Variants in MAMDC2 observed in about 807,000 individuals in gnomAD.
MAMDC2 encodes the protein MAM domain-containing protein 2.
Under a neutral mutation model 89.8 loss-of-function variants are expected in MAMDC2, and 57 were observed. The ratio of observed to expected loss-of-function variants is 0.63; its 90% CI spans 0.51 to 0.79. The LOEUF (loss-of-function observed/expected upper bound fraction) is 0.79. Among genes scored for constraint, MAMDC2 ranks in the 30% least tolerant of loss-of-function variants. MAMDC2 has a pLI of 0.00. For missense variants in MAMDC2, 800 were observed against 820.6 expected (o/e 0.97, Z 0.31); for synonymous variants, 313 against 293.4 (o/e 1.07, Z -0.68).
chr9:70,124,650 C>T (rs955541355), intron 5 of MAMDC2, among the ~76,000 whole-genome samples: 1 of 152,136 alleles, frequency 6.6e-6, no homozygotes, highest in East Asian at 1.9e-4. Flanking sequence ...TGCATATGCT[C>T]CTCCTAATAT....
chr9:70,112,984 C>T lies in MAMDC2; in HGVS notation c.506-11C>T. 6.2e-7 allele frequency: 1 copy of T among 1,613,974 alleles called. No homozygotes were observed. Among genetic ancestry groups the T allele is most frequent in the Non-Finnish European group, 8.5e-7 (1 of 1,179,916 alleles). ...GTGTCTCCATGAAGTGTTTTTGTTT[C>T]CCTTCCCCAGAATGTGACTTTGAAG... On this transcript the variant is annotated splice_polypyrimidine_tract_variant and intron_variant, in intron 4 of 13. Transcript: ENST00000377182.
At chr9:70,144,390 TATAAAAAGAG>T (rs1482790858) in intron 9 of MAMDC2, among the ~76,000 whole-genome samples, 14 of 152,278 alleles carry the variant, frequency 9.2e-5, no homozygotes, top group African/African-American at 3.4e-4. Flanking sequence ...TAAATGAGAA[TATAAAAAGAG>T]ATCTTTATTG....
rs762765319 is a variant in MAMDC2, at chr9:70,126,364, T to C, written c.849T>C (p.Asn283=). Reference sequence around the variant, plus strand: ...TCTGGAAAGCAGACAGGCCAGGGAATGCTGCCTGGAACCTTGCGGAGGTCG... The same window carrying C: ...TCTGGAAAGCAGACAGGCCAGGGAACGCTGCCTGGAACCTTGCGGAGGTCG... ...EEIWKADRPG[N]AAWNLAEVEF... is the part of the protein sequence containing the mutation. The change falls in exon 6 of 14, where the codon AAT becomes AAC. Residue 283 remains asparagine (N), a synonymous_variant. Transcript: ENST00000377182. 1 of 1,613,950 alleles carries C rather than the reference T, an allele frequency of 6.2e-7. No homozygotes were observed. The highest frequency in any genetic ancestry group is 1.3e-5 in the African/African-American group (1 of 74,912).
chr9:70,221,087 A>G (rs574660464), intron 12 of MAMDC2, among the ~76,000 whole-genome samples: 8 of 151,932 alleles, frequency 5.3e-5, no homozygotes, highest in Non-Finnish European at 1.0e-4. Context: ...CATCTCAATA[A>G]GTACGTATTG....
At chr9:70,120,241 C>T (rs972419274) in intron 5 of MAMDC2, among the ~76,000 whole-genome samples, 5 of 152,202 alleles carry the variant, frequency 3.3e-5, no homozygotes, top group Non-Finnish European at 7.4e-5. Flanking sequence ...CAGTGCCAGG[C>T]TCCATCTCTG....
intron 2 of MAMDC2, among the ~76,000 whole-genome samples, chr9:70,056,151 C>T (rs1235337264): frequency 6.6e-6 from 1 of 152,198 alleles, no homozygotes; most frequent in Non-Finnish European, 1.5e-5. Context: ...GGAGCTGACT[C>T]CTTCGTTTAC....
Position 70,044,210 on chromosome 9 carries a change from G to C in MAMDC2, c.13G>C (p.Gly5Arg). 1.2e-6 allele frequency: 2 copies of C among 1,613,604 alleles called. No individual in the cohort carries two copies. Among genetic ancestry groups the C allele is most frequent in the Non-Finnish European group, 1.7e-6 (2 of 1,179,920 alleles). MLLR[G>R]VLLALQALQL... ...CTGAAACGCGACCATGCTGTTAAGGGGCGTCCTCCTGGCGTTGCAAGGTAA... is the reference window on the plus strand; with the variant it reads ...CTGAAACGCGACCATGCTGTTAAGGCGCGTCCTCCTGGCGTTGCAAGGTAA... The change falls in exon 1 of 14, where the codon GGC becomes CGC. Residue 5 changes from glycine to arginine, a missense_variant. Gly to Arg is a moderately radical substitution (Grantham distance 125). Transcript: ENST00000377182.
chr9:70,222,678 C>G (rs1283332051), intron 12 of MAMDC2, among the ~76,000 whole-genome samples: 1 of 152,118 alleles, frequency 6.6e-6, no homozygotes, highest in Admixed American at 6.6e-5. Context: ...CTGATTACCC[C>G]TCCTCCCCAG....
intron 11 of MAMDC2, among the ~76,000 whole-genome samples, chr9:70,198,763 GTAT>G (rs1356526818): frequency 1.3e-5 from 2 of 152,108 alleles, no homozygotes; most frequent in African/African-American, 4.8e-5. Context: ...AAAGGTAGAA[GTAT>G]TCTTCATTTC....
intron 11 of MAMDC2, among the ~76,000 whole-genome samples, chr9:70,214,597 C>A (rs2033412316): frequency 6.6e-6 from 1 of 152,164 alleles, no homozygotes; most frequent in South Asian, 2.1e-4. Context: ...TTAGAAGGAG[C>A]ACTATGAATA....
Position 70,143,697 on chromosome 9 carries a change from C to G in MAMDC2, c.1282C>G (p.Leu428Val). 6.2e-7 allele frequency: 1 copy of G among 1,614,158 alleles called. No individual in the cohort carries two copies. Among genetic ancestry groups the G allele is most frequent in the Non-Finnish European group, 8.5e-7 (1 of 1,180,024 alleles). Reference sequence around the variant, plus strand: ...TGGATTTTTAAAAATGAGTGACACCCTAGCAGTTTACATCTTTGAAGAGAA... The same window carrying G: ...TGGATTTTTAAAAATGAGTGACACCGTAGCAGTTTACATCTTTGAAGAGAA... ...IYGFLKMSDTLAVYIFEENHV... is the reference protein window; with the variant it reads ...IYGFLKMSDTVAVYIFEENHV... Residue 428 changes from leucine to valine, a missense_variant, in exon 9 of 14, where the codon CTA (leucine) becomes GTA (valine). Physicochemically the swap from Leu to Val is conservative, Grantham distance 32. Transcript: ENST00000377182.
chr9:70,122,814 C>T (rs905489369), intron 5 of MAMDC2, among the ~76,000 whole-genome samples: 2 of 151,416 alleles, frequency 1.3e-5, no homozygotes, highest in African/African-American at 2.4e-5. Context: ...ATAAAGATGC[C>T]CTGGGTAGGG....
chr9:70,099,979 A>AG (rs1491247322), intron 2 of MAMDC2, among the ~76,000 whole-genome samples: 8 of 108,078 alleles, frequency 7.4e-5, no homozygotes, highest in East Asian at 5.6e-4. Flanking sequence ...TGCCAAAAAG[A>AG]AAGAGAGAGA....
At chr9:70,204,492 G>A (rs1336335591) in intron 11 of MAMDC2, among the ~76,000 whole-genome samples, 1 of 149,242 alleles carries the variant, frequency 6.7e-6, no homozygotes, top group African/African-American at 2.4e-5. Context: ...GTCTGCAGAG[G>A]TTACTGCTGT....
intron 11 of MAMDC2, among the ~76,000 whole-genome samples, chr9:70,195,689 T>C (rs887007738): frequency 2.6e-5 from 4 of 152,048 alleles, no homozygotes; most frequent in African/African-American, 9.7e-5. Context: ...AATAGCCATC[T>C]CCATTATCAG....
chr9:70,113,591 G>T (rs1390800730), intron 5 of MAMDC2, among the ~76,000 whole-genome samples: 1 of 152,180 alleles, frequency 6.6e-6, no homozygotes, highest in African/African-American at 2.4e-5. Flanking sequence ...CTCTGAATGT[G>T]GTGTGCAACA....
At chr9:70,133,570 T>C (rs1333132524) in intron 7 of MAMDC2, among the ~76,000 whole-genome samples, 1 of 152,224 alleles carries the variant, frequency 6.6e-6, no homozygotes, top group South Asian at 2.1e-4. Flanking sequence ...AATGGTTTAA[T>C]TGCATCATCG....
chr9:70,123,645 A>G (rs1355556599), intron 5 of MAMDC2, among the ~76,000 whole-genome samples: 4 of 152,200 alleles, frequency 2.6e-5, no homozygotes, highest in Admixed American at 2.6e-4. Context: ...AGATGGGTGC[A>G]GAGGTCATTA....
intron 11 of MAMDC2, among the ~76,000 whole-genome samples, chr9:70,173,699 T>C (rs2032418861): frequency 6.6e-6 from 1 of 152,098 alleles, no homozygotes; most frequent in African/African-American, 2.4e-5. Context: ...CTGTGGGTAA[T>C]GAAGACTGTG....
Sources: allele counts gnomAD v4.1 joint callset (sites outside exome capture counted in the v4.1 genomes callset), GRCh38; gene constraint gnomAD v4.1.1; transcripts MANE v1.5; gene names NCBI Gene and HGNC (gene_info 2026-07-23, HGNC 2026-07-21).